PRPF40B: variants seen among roughly 807,000 people sequenced by gnomAD.
PRPF40B encodes pre-mRNA-processing factor 40 homolog B.
PRPF40B carries 56 observed loss-of-function variants against 124.5 expected under a neutral mutation model. That is an observed-to-expected ratio of 0.45 (90% CI 0.36 to 0.56). PRPF40B has a LOEUF of 0.56. Among genes scored for constraint, PRPF40B ranks in the 20% least tolerant of loss-of-function variants. The pLI, the probability that PRPF40B is intolerant of heterozygous loss-of-function variation, is 0.00. For synonymous variants in PRPF40B, 443 were observed against 426.4 expected (o/e 1.04, Z -0.48); for missense variants, 1,053 against 1,169.5 (o/e 0.90, Z 1.45).
Position 49,633,086 on chromosome 12 carries a change from G to T in PRPF40B, c.421G>T (p.Val141Leu). ...YYYNADDKQS[V>L]WEKPSVLKSK... The stretch of plus-strand genomic sequence containing the variant: ...CTACAATGCTGACGACAAGCAGTCC[G>T]TGTGGGAGAAGCCCAGCGTGCTCAA... Residue 141 changes from valine (V) to leucine (L), a missense_variant, in exon 7 of 26, where the codon GTG becomes TTG. Around this residue, in one of 2 missense-constraint regions of PRPF40B, gnomAD observed 895 missense variants for 1,052.2 expected, o/e 0.85. Transcript: ENST00000548825. 6.4e-7 allele frequency: 1 copy of T among 1,574,312 alleles called. No homozygotes were observed. Among genetic ancestry groups the T allele is most frequent in the Non-Finnish European group, 8.6e-7 (1 of 1,160,046 alleles).
Position 49,633,003 on chromosome 12 carries a change from C to CT in PRPF40B, c.349-11_349-10insT, listed in dbSNP as rs752106573. The CT allele has an allele frequency of 3.6e-6, 2 of 553,782 alleles. No homozygotes were observed. The highest frequency in any genetic ancestry group is 6.8e-6 in the Non-Finnish European group (2 of 296,074). The allele number at this position is 553,782 out of a possible 1,614,324, so 34.3% of individuals were successfully genotyped here. On this transcript the variant is annotated splice_polypyrimidine_tract_variant and intron_variant, in intron 6 of 25. Coordinates refer to ENST00000548825, the MANE Select transcript of PRPF40B (RefSeq NM_001031698.3). ...CCTTGACCACCATTCTGTGCCCCCC[C>CT]CCCCACCCAGAGGGCCCTATGGAGT... is the stretch of plus-strand genomic sequence containing the variant.
chr12:49,637,261 T>C (rs1478293860), intron 16 of PRPF40B: 2 of 588,956 alleles, frequency 3.4e-6, no homozygotes, highest in African/African-American at 3.7e-5. Flanking sequence ...CTCACCTTTT[T>C]GTTCTGTCCC....
rs941007820 is a variant in PRPF40B, at chr12:49,642,705, T to G, written c.2118+30T>G. The G allele has an allele frequency of 6.2e-7, 1 of 1,604,070 alleles. No homozygotes were observed. Among genetic ancestry groups the G allele is most frequent in the African/African-American group, 1.3e-5 (1 of 74,634 alleles). ...GGCAGGCTTGTCCTCTGGATCTGCCTCAGGCCCTTGAACTCATTAGACCAG... is the reference window on the plus strand; with the variant it reads ...GGCAGGCTTGTCCTCTGGATCTGCCGCAGGCCCTTGAACTCATTAGACCAG... On this transcript the variant is annotated intron_variant, in intron 21 of 25. Transcript: ENST00000548825. This position sits in a 1 kb window ranked among gnomAD's most constrained non-coding sequence, Gnocchi z 5.8.
chr12:49,630,596 C>A lies in PRPF40B; in HGVS notation c.55C>A (p.Pro19Thr). Residue 19 changes from proline to threonine, a missense_variant, in exon 2 of 26, where the codon CCG becomes ACG. Around this residue, in one of 2 missense-constraint regions of PRPF40B, gnomAD observed 158 missense variants for 117.3 expected, o/e 1.35. Transcript: ENST00000548825. Reference sequence around the variant, plus strand: ...CCCAGCAGCGCCTGCCCCCTTCCCACCGGGGCCCCCCATGATGCCACCACC... The same window carrying A: ...CCCAGCAGCGCCTGCCCCCTTCCCAACGGGGCCCCCCATGATGCCACCACC... ...RPPAAPAPFP[P>T]GPPMMPPPFM... is the part of the protein sequence containing the mutation. The A allele has an allele frequency of 7.4e-7, 1 of 1,348,960 alleles. No individual in the cohort carries two copies. 83.6% of individuals were successfully genotyped at this position (1,348,960 alleles called of 1,614,324 possible).
At chr12:49,636,563 G>A in intron 15 of PRPF40B, 153 bp from the exon 16 acceptor site, 4 of 838,574 alleles carry the variant, frequency 4.8e-6, no homozygotes, top group Non-Finnish European at 7.5e-6. Flanking sequence ...CATTGCAGTG[G>A]CTGCTCCCAC....
intron 5 of PRPF40B, 64 bp downstream of exon 5, chr12:49,632,687 C>A: frequency 6.2e-7 from 1 of 1,602,604 alleles, no homozygotes. Flanking sequence ...GGAGAGGGGA[C>A]CGTGGACTGG....
rs766959475 is a variant in PRPF40B, at chr12:49,631,564, T to C, written c.228+20T>C. ...ACACAGGTAATTGTCTCTCCTCCCCTGGGGCCTCAGAAAACCCTGTCAGTT... is the reference window on the plus strand; with the variant it reads ...ACACAGGTAATTGTCTCTCCTCCCCCGGGGCCTCAGAAAACCCTGTCAGTT... On this transcript the variant is annotated intron_variant, in intron 3 of 25. Coordinates refer to ENST00000548825, the MANE Select transcript of PRPF40B (RefSeq NM_001031698.3). The surrounding 1 kb of genome is among the most constrained non-coding windows in gnomAD (Gnocchi z 4.3). The C allele has an allele frequency of 3.2e-6, 5 of 1,543,600 alleles. No homozygotes were observed. The Admixed American group carries it at 1.1e-4, about 34-fold the overall frequency.
intron 1 of PRPF40B, among the ~76,000 whole-genome samples, chr12:49,628,001 C>G (rs1940878921): frequency 6.6e-6 from 1 of 152,060 alleles, no homozygotes; most frequent in Non-Finnish European, 1.5e-5. Context: ...TCTGAGGCTC[C>G]CCTGGAGCCT....
In PRPF40B at chr12:49,643,911, C is replaced by T. The variant is rs754790262; in HGVS notation, c.2493C>T (p.Ser831=). The T allele has an allele frequency of 1.2e-5, 20 of 1,613,978 alleles. No homozygotes were observed. Among genetic ancestry groups the T allele is most frequent in the African/African-American group, 4.0e-5 (3 of 74,884 alleles). ...TDPEEKAGKE[S]DEKEQEQDKD... ...CTGAGGAGAAAGCTGGCAAGGAGAG[C>T]GATGAGAAAGAACAAGAACAGGACA... The change falls in exon 25 of 26, where the codon AGC becomes AGT. Residue 831 remains serine (S), a synonymous_variant. Transcript: ENST00000548825.
chr12:49,633,258 C>A, intron 7 of PRPF40B, 134 bp downstream of exon 7: 1 of 1,254,070 alleles, frequency 8.0e-7, no homozygotes, highest in Non-Finnish European at 1.1e-6. Context: ...CTCACCCTCC[C>A]TGGAAATGCC....
At chr12:49,637,646 C>T (rs911606427) in intron 17 of PRPF40B, 62 bp downstream of exon 17, 3 of 1,568,164 alleles carry the variant, frequency 1.9e-6, no homozygotes, top group East Asian at 4.5e-5. Context: ...CTCTCTGCAC[C>T]CCCTACTACC....
chr12:49,634,959 A>G, intron 12 of PRPF40B, 140 bp from the exon 13 acceptor site: 13 of 886,378 alleles, frequency 1.5e-5, no homozygotes, highest in Non-Finnish European at 2.2e-5. Context: ...CTACTTCTCC[A>G]TGAATGGTGT....
At chr12:49,632,024 A>C in intron 4 of PRPF40B, 99 bp downstream of exon 4, 2 of 1,219,700 alleles carry the variant, frequency 1.6e-6, no homozygotes, top group African/African-American at 1.5e-5. Flanking sequence ...CCCTCTTCTC[A>C]TCGCATCCAC....
chr12:49,624,211 AT>A (rs967823721), intron 1 of PRPF40B: 87 of 966,790 alleles, frequency 9.0e-5, no homozygotes, highest in African/African-American at 6.9e-4. Context: ...TTTCCCATCA[AT>A]TTTTTTAAAA....
In PRPF40B at chr12:49,635,243, G is replaced by A. The variant is rs1941646624; in HGVS notation, c.1146G>A (p.Met382Ile). ...LQHFLEQHER[M>I]TSTTRYRRAE... Reference sequence around the variant, plus strand: ...ATTTCCTGGAGCAGCATGAACGCATGACCTCCACCACCCGCTACCGGTCAG... The same window carrying A: ...ATTTCCTGGAGCAGCATGAACGCATAACCTCCACCACCCGCTACCGGTCAG... The change falls in exon 13 of 26, where the codon ATG becomes ATA. Residue 382 changes from methionine to isoleucine, a missense_variant. Coordinates refer to ENST00000548825, the MANE Select transcript of PRPF40B (RefSeq NM_001031698.3). This position sits in a 1 kb window ranked among gnomAD's most constrained non-coding sequence, Gnocchi z 4.1. 1.9e-6 allele frequency: 3 copies of A among 1,613,658 alleles called. 1 individual carries two copies. In the East Asian group the frequency reaches 6.7e-5, roughly 36 times the overall value.
Position 49,635,544 on chromosome 12 carries a change from A to G in PRPF40B, c.1275+71A>G. 7.1e-7 allele frequency: 1 copy of G among 1,414,776 alleles called. No individual in the cohort carries two copies. The highest frequency in any genetic ancestry group is 9.7e-7 in the Non-Finnish European group (1 of 1,031,066). The allele number at this position is 1,414,776 out of a possible 1,614,324, so 87.6% of individuals were successfully genotyped here. On this transcript the variant is annotated intron_variant, in intron 14 of 25. Coordinates refer to ENST00000548825, the MANE Select transcript of PRPF40B (RefSeq NM_001031698.3). This position sits in a 1 kb window ranked among gnomAD's most constrained non-coding sequence, Gnocchi z 4.1. ...TTTCCTTGTCTTTGCTTTGTTATGG[A>G]CCCTCGCCATTTACTTCTCTACTTC...
chr12:49,633,547 G>A lies in PRPF40B; in HGVS notation c.580G>A (p.Val194Ile), dbSNP rs1235528855. The change falls in exon 8 of 26, where the codon GTT (valine) becomes ATT (isoleucine). Residue 194 changes from valine to isoleucine, a missense_variant and splice_region_variant. Coordinates refer to ENST00000548825, the MANE Select transcript of PRPF40B (RefSeq NM_001031698.3). ...GCCCAAGGATCTGGATGACCTAGAG[G>A]GTGAGATGTCCTACGGGTGGGCCAG... ...TRPKDLDDLEVLVKQEAAGKQ... is the reference protein window; with the variant it reads ...TRPKDLDDLEILVKQEAAGKQ... 6.2e-7 allele frequency: 1 copy of A among 1,614,246 alleles called. No individual in the cohort carries two copies. The highest frequency in any genetic ancestry group is 8.5e-7 in the Non-Finnish European group (1 of 1,180,042).
chr12:49,637,877 C>T, intron 18 of PRPF40B, 53 bp downstream of exon 18: 1 of 1,437,084 alleles, frequency 7.0e-7, no homozygotes, highest in East Asian at 2.3e-5. Flanking sequence ...GGGCACACTC[C>T]CTGCAGAGGA....
chr12:49,632,148 G>A, intron 4 of PRPF40B: 1 of 617,108 alleles, frequency 1.6e-6, no homozygotes. Flanking sequence ...TTACTCACGT[G>A]CCTTGTCCAG....
Sources: gnomAD v4.1 joint callset for allele counts (sites outside exome capture counted in the v4.1 genomes callset) on GRCh38, gnomAD v4.1.1 for gene constraint, gnomAD v4.1.1 regional missense constraint, Gnocchi (gnomAD v3.1) non-coding constraint, MANE v1.5 for transcripts, NCBI Gene and HGNC (gene_info 2026-07-23, HGNC 2026-07-21) for gene names.